ZMIZ1: variants seen among roughly 807,000 people sequenced by gnomAD.
The protein encoded by ZMIZ1 is zinc finger MIZ domain-containing protein 1.
Under a neutral mutation model 113.9 loss-of-function variants are expected in ZMIZ1, and 17 were observed. The observed-to-expected ratio is 0.15, with a 90% CI of 0.10 to 0.22. The LOEUF is 0.22. ZMIZ1 is among the 10% of genes least tolerant of loss of function. The pLI, the probability that ZMIZ1 is intolerant of heterozygous loss-of-function variation, is 1.00. For synonymous variants in ZMIZ1, 607 were observed against 603.1 expected, an observed-to-expected ratio of 1.01 and a Z score of -0.09; for missense variants, 1,059 against 1,477.8, an observed-to-expected ratio of 0.72 and a Z score of 4.65.
intron 7 of ZMIZ1, among the ~76,000 whole-genome samples, chr10:79,268,815 G>A (rs1278307550): frequency 1.3e-5 from 2 of 152,218 alleles, no homozygotes; most frequent in South Asian, 2.1e-4. Context: ...CTCTGACCGC[G>A]TTGCAGAGGG....
Position 79,310,904 on chromosome 10 carries a change from C to G in ZMIZ1, c.2836-20C>G. 3 of 1,607,294 alleles carry G rather than the reference C, an allele frequency of 1.9e-6. No homozygotes were observed. The highest frequency in any genetic ancestry group is 2.6e-6 in the Non-Finnish European group (3 of 1,175,452). On this transcript the variant is annotated intron_variant, in intron 23 of 24. Transcript: ENST00000334512. ...TCCTCACCTCACCTCTCTTCTCTCC[C>G]GCTCTCTCCTCCTCCACAGATGCCA...
At chr10:79,166,522 A>C (rs538341921) in intron 4 of ZMIZ1, among the ~76,000 whole-genome samples, 69 of 152,220 alleles carry the variant, frequency 4.5e-4, no homozygotes, top group African/African-American at 1.6e-3. Flanking sequence ...CTGCTAGCCC[A>C]CCCTGCAGCT....
Position 79,293,277 on chromosome 10 carries a change from C to G in ZMIZ1, c.958-104C>G, listed in dbSNP as rs1589581839. On this transcript the variant is annotated intron_variant, in intron 11 of 24. Coordinates refer to ENST00000334512, the MANE Select transcript of ZMIZ1 (RefSeq NM_020338.4). ...GCCGCACAGGACAGTGCCCCCTCCC[C>G]ACTCCTCCACCTCCCCAACCCTTCC... 6 of 1,448,070 alleles carry G rather than the reference C, an allele frequency of 4.1e-6. No homozygotes were observed. The Admixed American group carries it at 9.2e-5, about 22-fold the overall frequency. 89.7% of individuals were successfully genotyped at this position (1,448,070 alleles called of 1,614,324 possible).
chr10:79,112,354 C>T (rs1049653658), intron 1 of ZMIZ1, among the ~76,000 whole-genome samples: 9 of 152,140 alleles, frequency 5.9e-5, no homozygotes, highest in African/African-American at 2.2e-4. Context: ...TTACATGTAG[C>T]AATTCAGGTG....
In ZMIZ1 at chr10:79,208,368, C is replaced by T. The variant is rs559621894; in HGVS notation, c.93C>T (p.Ala31=). Residue 31 remains alanine, a synonymous_variant, in exon 6 of 25, where the codon GCC becomes GCT. Coordinates refer to ENST00000334512, the MANE Select transcript of ZMIZ1 (RefSeq NM_020338.4). ...AGAATCCTGCCAACTTCCACAATGC[C>T]GCCACGGAGCTGCTGGACTGGTGCG... is the stretch of plus-strand genomic sequence containing the variant. ...HLQNPANFHN[A]ATELLDWCGD... is the part of the protein sequence containing the mutation. 2.5e-5 allele frequency: 40 copies of T among 1,614,134 alleles called. No homozygotes were observed. The highest frequency in any genetic ancestry group is 3.3e-4 in the Middle Eastern group (2 of 6,062).
chr10:79,184,284 T>C (rs1418753713), intron 4 of ZMIZ1, among the ~76,000 whole-genome samples: 1 of 152,178 alleles, frequency 6.6e-6, no homozygotes, highest in African/African-American at 2.4e-5. Context: ...CTGCCTCTCC[T>C]TCCACCCCTC....
intron 3 of ZMIZ1, among the ~76,000 whole-genome samples, chr10:79,150,505 C>A (rs905494565): frequency 6.6e-6 from 1 of 152,216 alleles, no homozygotes; most frequent in Admixed American, 6.5e-5. Flanking sequence ...GGAGAAACCT[C>A]ACAGTGGGAC....
chr10:79,113,313 C>T (rs985722292), intron 1 of ZMIZ1, among the ~76,000 whole-genome samples: 2 of 152,232 alleles, frequency 1.3e-5, no homozygotes, highest in African/African-American at 4.8e-5. Context: ...GCATCCTGGG[C>T]CTGCAGCCTC....
At chr10:79,146,302 T>C (rs1845481297) in intron 3 of ZMIZ1, among the ~76,000 whole-genome samples, 1 of 152,152 alleles carries the variant, frequency 6.6e-6, no homozygotes, top group Non-Finnish European at 1.5e-5. Context: ...CCTGGGGTAG[T>C]AGCGGAGACA....
chr10:79,106,616 G>A (rs939818862), intron 1 of ZMIZ1, among the ~76,000 whole-genome samples: 3 of 152,354 alleles, frequency 2.0e-5, no homozygotes, highest in Non-Finnish European at 2.9e-5. Flanking sequence ...GTCTTTGCCC[G>A]TTGTGCAAGG....
In ZMIZ1 at chr10:79,309,168, G is replaced by A. The variant is rs375731594; in HGVS notation, c.2835+1597G>A. ...CATGCCCGCAGAGACTGGCCAGAGC[G>A]CTCTATCCAGATGCTGCTGCCCCCA... On this transcript the variant is annotated intron_variant, in intron 23 of 24. Coordinates refer to ENST00000334512, the MANE Select transcript of ZMIZ1 (RefSeq NM_020338.4). 4.5e-4 allele frequency among the ~76,000 whole-genome samples: 69 copies of A among 152,322 alleles called. 1 individual carries two copies. The East Asian group carries it at 8.5e-3, about 19-fold the overall frequency.
chr10:79,139,243 G>A (rs1012569259), intron 2 of ZMIZ1, among the ~76,000 whole-genome samples: 1 of 152,124 alleles, frequency 6.6e-6, no homozygotes, highest in Admixed American at 6.5e-5. Context: ...AGTGGCTGCC[G>A]GCCGGCCGTG....
intron 1 of ZMIZ1, among the ~76,000 whole-genome samples, chr10:79,070,284 C>A (rs1335561453): frequency 1.3e-5 from 2 of 151,722 alleles, no homozygotes; most frequent in African/African-American, 4.8e-5. Flanking sequence ...GGACATCTGT[C>A]CAGGAAGCCG....
rs1855449130 is a variant in ZMIZ1, at chr10:79,315,087, G to A, written c.*2338G>A. Reference sequence around the variant, plus strand: ...GAGTCGAGATGCTCCCTGCAGCCCAGGCCCCGGGCACCTCCTGCAACCATC... The same window carrying A: ...GAGTCGAGATGCTCCCTGCAGCCCAAGCCCCGGGCACCTCCTGCAACCATC... On this transcript the variant is annotated 3_prime_UTR_variant, in exon 25 of 25. Coordinates refer to ENST00000334512, the MANE Select transcript of ZMIZ1 (RefSeq NM_020338.4). The A allele has an allele frequency of 6.5e-6, 1 of 152,880 alleles. No individual in the cohort carries two copies. 9.5% of individuals were successfully genotyped at this position (152,880 alleles called of 1,614,324 possible).
At chr10:79,183,758 T>G (rs1245018596) in intron 4 of ZMIZ1, among the ~76,000 whole-genome samples, 1 of 152,072 alleles carries the variant, frequency 6.6e-6, no homozygotes, top group Non-Finnish European at 1.5e-5. Flanking sequence ...ATAAAACAAA[T>G]CAATATTTGC....
chr10:79,083,237 T>C (rs1387186918), intron 1 of ZMIZ1, among the ~76,000 whole-genome samples: 1 of 152,196 alleles, frequency 6.6e-6, no homozygotes, highest in Non-Finnish European at 1.5e-5. Flanking sequence ...CAGGGAAGGC[T>C]TCTCTGAAGA....
At chr10:79,248,867 C>T (rs901552030) in intron 7 of ZMIZ1, among the ~76,000 whole-genome samples, 1 of 152,118 alleles carries the variant, frequency 6.6e-6, no homozygotes, top group African/African-American at 2.4e-5. Flanking sequence ...GGATGGGTGC[C>T]AGCGGGTAGT....
chr10:79,302,246 A>G, intron 18 of ZMIZ1, 34 bp downstream of exon 18: 1 of 1,593,376 alleles, frequency 6.3e-7, no homozygotes, highest in Non-Finnish European at 8.6e-7. Context: ...TGAGGGCCAG[A>G]CTCCATCCCC....
At chr10:79,272,703 G>A (rs540582710) in intron 7 of ZMIZ1, among the ~76,000 whole-genome samples, 34 of 152,366 alleles carry the variant, frequency 2.2e-4, no homozygotes, top group South Asian at 8.3e-4. Context: ...AGAATGGATC[G>A]AGGTGAGGGA....
Sources: allele counts gnomAD v4.1 joint callset (sites outside exome capture counted in the v4.1 genomes callset), GRCh38; gene constraint gnomAD v4.1.1; transcripts MANE v1.5; gene names NCBI Gene and HGNC (gene_info 2026-07-23, HGNC 2026-07-21).